Variants in PLCL1 observed in about 807,000 individuals in gnomAD.
PLCL1 encodes inactive phospholipase C-like protein 1.
In PLCL1, 41 loss-of-function variants were observed where a neutral mutation model predicts 84.4. The observed-to-expected ratio is 0.49, with a 90% CI of 0.38 to 0.63. The LOEUF (loss-of-function observed/expected upper bound fraction) is 0.63. Among genes scored for constraint, PLCL1 ranks in the 30% least tolerant of loss-of-function variants. PLCL1 has a pLI of 0.00. For synonymous variants in PLCL1, 490 were observed against 488.3 expected, an observed-to-expected ratio of 1.00 and a Z score of -0.05; for missense variants, 1,206 against 1,367.8, an observed-to-expected ratio of 0.88 and a Z score of 1.87.
chr2:198,029,377 G>A (rs1691351832), intron 1 of PLCL1, among the ~76,000 whole-genome samples: 1 of 152,122 alleles, frequency 6.6e-6, no homozygotes, highest in African/African-American at 2.4e-5. Flanking sequence ...CTACTAGAGA[G>A]TATCTATTCT....
intron 1 of PLCL1, among the ~76,000 whole-genome samples, chr2:198,052,944 T>C (rs1196977875): frequency 2.6e-5 from 4 of 152,234 alleles, no homozygotes; most frequent in Non-Finnish European, 5.9e-5. Flanking sequence ...AGTAATCATA[T>C]GCTATATATA....
intron 5 of PLCL1, among the ~76,000 whole-genome samples, chr2:198,139,537 GTTATT>G (rs1273779115): frequency 6.6e-6 from 1 of 152,126 alleles, no homozygotes; most frequent in Non-Finnish European, 1.5e-5. Flanking sequence ...GGCAATACAT[GTTATT>G]TTATTTTAAA....
intron 1 of PLCL1, among the ~76,000 whole-genome samples, chr2:197,953,447 A>G (rs1405079534): frequency 1.8e-4 from 27 of 152,066 alleles, no homozygotes; most frequent in Admixed American, 1.7e-3. Context: ...GAGTCTTGAT[A>G]TCAACCAAGA....
intron 1 of PLCL1, among the ~76,000 whole-genome samples, chr2:197,955,956 G>C (rs1408003436): frequency 6.6e-6 from 1 of 151,134 alleles, no homozygotes; most frequent in African/African-American, 2.4e-5. Context: ...TTGTCATAAT[G>C]CTCTCCCTCC....
At chr2:197,991,444 A>G (rs930654823) in intron 1 of PLCL1, among the ~76,000 whole-genome samples, 2 of 152,050 alleles carry the variant, frequency 1.3e-5, no homozygotes, top group African/African-American at 4.8e-5. Context: ...CTCTGTGCAT[A>G]TATAACCTCC....
intron 1 of PLCL1, among the ~76,000 whole-genome samples, chr2:197,845,913 G>C (rs550613446): frequency 2.0e-5 from 3 of 152,084 alleles, no homozygotes; most frequent in Non-Finnish European, 4.4e-5. Flanking sequence ...AAGGCTAAGT[G>C]CCATAGCCAA....
chr2:198,045,895 G>T (rs376916351), intron 1 of PLCL1, among the ~76,000 whole-genome samples: 1 of 152,198 alleles, frequency 6.6e-6, no homozygotes, highest in Non-Finnish European at 1.5e-5. Flanking sequence ...GGGTACACAT[G>T]TACCATTTTA....
chr2:198,046,975 G>A (rs142354136), intron 1 of PLCL1, among the ~76,000 whole-genome samples: 132 of 152,280 alleles, frequency 8.7e-4, no homozygotes, highest in African/African-American at 3.0e-3. Flanking sequence ...GCATACTAAT[G>A]TAGTAGGATA....
chr2:197,805,307 C>T lies in PLCL1; in HGVS notation c.208C>T (p.Arg70Trp). ...DSEAGLLEAA[R>W]ATPRRSSIIK... is the part of the protein sequence containing the mutation. ...CGAGGCGGGCCTCCTGGAGGCAGCA[C>T]GGGCGACCCCCCGGCGCAGCAGCAT... Residue 70 changes from arginine (R) to tryptophan (W), a missense_variant, in exon 1 of 6, where the codon CGG becomes TGG. Arg to Trp is a moderately radical substitution (Grantham distance 101). Coordinates refer to ENST00000428675, the MANE Select transcript of PLCL1 (RefSeq NM_006226.4). The surrounding 1 kb of genome is among the most constrained non-coding windows in gnomAD (Gnocchi z 4.0). The T allele has an allele frequency of 7.7e-7, 1 of 1,305,396 alleles. No individual in the cohort carries two copies. Among genetic ancestry groups the T allele is most frequent in the Non-Finnish European group, 9.7e-7 (1 of 1,030,948 alleles). The allele number at this position is 1,305,396 out of a possible 1,614,324, so 80.9% of individuals were successfully genotyped here.
intron 1 of PLCL1, among the ~76,000 whole-genome samples, chr2:197,816,117 A>C (rs942816014): frequency 6.6e-5 from 10 of 152,166 alleles, no homozygotes; most frequent in Non-Finnish European, 7.4e-5. Flanking sequence ...AGAGTCAATA[A>C]ATGTGGCAAA....
chr2:198,000,386 C>A (rs934151927), intron 1 of PLCL1, among the ~76,000 whole-genome samples: 1 of 151,998 alleles, frequency 6.6e-6, no homozygotes, highest in African/African-American at 2.4e-5. Flanking sequence ...ATCTTGCCAC[C>A]CAGGTACTGG....
chr2:197,879,615 TG>T (rs1687792957), intron 1 of PLCL1, among the ~76,000 whole-genome samples: 1 of 152,176 alleles, frequency 6.6e-6, no homozygotes, highest in Non-Finnish European at 1.5e-5. Flanking sequence ...TTAATAGATT[TG>T]GGTTGTCTCT....
In PLCL1 at chr2:198,146,921, A is replaced by T; in HGVS notation, c.3247A>T (p.Ile1083Leu). Reference sequence around the variant, plus strand: ...CAAGAGCAAGCGCAGCCTGGAAGCCATAGAGGAGAAGGAAAGTAGTGAGGA... The same window carrying T: ...CAAGAGCAAGCGCAGCCTGGAAGCCTTAGAGGAGAAGGAAAGTAGTGAGGA... ...EAKSKRSLEAIEEKESSEENG... is the reference protein window; with the variant it reads ...EAKSKRSLEALEEKESSEENG... Residue 1083 changes from isoleucine to leucine, a missense_variant, in exon 6 of 6, where the codon ATA becomes TTA. Ile to Leu is a conservative substitution (Grantham distance 5). Coordinates refer to ENST00000428675, the MANE Select transcript of PLCL1 (RefSeq NM_006226.4). 1 of 1,612,778 alleles carries T rather than the reference A, an allele frequency of 6.2e-7. No individual in the cohort carries two copies. Among genetic ancestry groups the T allele is most frequent in the African/African-American group, 1.3e-5 (1 of 75,006 alleles).
intron 1 of PLCL1, among the ~76,000 whole-genome samples, chr2:197,865,689 G>A (rs571674486): frequency 1.6e-4 from 25 of 152,030 alleles, no homozygotes; most frequent in African/African-American, 4.6e-4. Context: ...CAAAGCTCAC[G>A]CGTCAAATGA....
chr2:198,094,142 A>G (rs1439332378), intron 3 of PLCL1, among the ~76,000 whole-genome samples: 1 of 152,030 alleles, frequency 6.6e-6, no homozygotes, highest in Admixed American at 6.6e-5. Flanking sequence ...GCTCACTGCA[A>G]GCTCCGCCTC....
chr2:197,891,080 T>G lies in PLCL1; in HGVS notation c.240+85741T>G, dbSNP rs149024952. Among the ~76,000 whole-genome samples the G allele has an allele frequency of 2.1e-3, 321 of 151,700 alleles. 1 individual carries two copies. The highest frequency in any genetic ancestry group is 7.3e-3 in the African/African-American group (302 of 41,324). Reference sequence around the variant, plus strand: ...TTAGTATAAGTAATGCTATAGTAAATCAGCAACTATTGAACACCTACTCTG... The same window carrying G: ...TTAGTATAAGTAATGCTATAGTAAAGCAGCAACTATTGAACACCTACTCTG... On this transcript the variant is annotated intron_variant, in intron 1 of 5. Transcript: ENST00000428675.
chr2:198,054,237 C>G (rs1333613801), intron 1 of PLCL1, among the ~76,000 whole-genome samples: 4 of 152,152 alleles, frequency 2.6e-5, no homozygotes, highest in African/African-American at 9.7e-5. Context: ...AAGTATAATT[C>G]AAGTCCAATA....
chr2:198,105,525 A>C (rs1336759497), intron 5 of PLCL1, among the ~76,000 whole-genome samples: 1 of 151,450 alleles, frequency 6.6e-6, no homozygotes, highest in African/African-American at 2.4e-5. Context: ...TGGAATTAAC[A>C]TGGTTTTTGC....
At chr2:197,835,036 A>G (rs567448818) in intron 1 of PLCL1, among the ~76,000 whole-genome samples, 1 of 152,224 alleles carries the variant, frequency 6.6e-6, no homozygotes, top group Non-Finnish European at 1.5e-5. Context: ...ATTCTCAGCA[A>G]AGTAATGCAG....
Sources: gnomAD v4.1 joint callset for allele counts (sites outside exome capture counted in the v4.1 genomes callset) on GRCh38, gnomAD v4.1.1 for gene constraint, Gnocchi (gnomAD v3.1) non-coding constraint, MANE v1.5 for transcripts, NCBI Gene and HGNC (gene_info 2026-07-23, HGNC 2026-07-21) for gene names.